Variants in SCN8A observed in about 807,000 individuals in gnomAD.
SCN8A encodes the protein sodium voltage-gated channel alpha subunit 8, also known as sodium channel protein type 8 subunit alpha.
SCN8A carries 30 observed loss-of-function variants against 184.1 expected under a neutral mutation model. The observed-to-expected ratio is 0.16, with a 90% CI of 0.12 to 0.22. The LOEUF is 0.22. Among genes scored for constraint, SCN8A ranks in the 10% least tolerant of loss-of-function variants. SCN8A has a pLI of 1.00. For missense variants in SCN8A, 1,057 were observed against 2,498.9 expected (o/e 0.42, Z 12.30); for synonymous variants, 852 against 907.0 (o/e 0.94, Z 1.09).
chr12:51,712,478 C>T (rs1434542185), intron 11 of SCN8A: 2 of 768,810 alleles, frequency 2.6e-6, no homozygotes, highest in Non-Finnish European at 4.8e-6. Flanking sequence ...CCTTCTGCTA[C>T]TATATCCACC....
At position 51,692,857 on chromosome 12, in the gene SCN8A, T is replaced by C. The variant is rs140211287; in HGVS notation, c.706+3761T>C. Among the ~76,000 whole-genome samples the C allele has an allele frequency of 3.0e-3, 451 of 152,356 alleles. 6 individuals are homozygous for C. Among genetic ancestry groups the C allele is most frequent in the Middle Eastern group, 6.8e-3 (2 of 294 alleles). ...CAGCATTTAATAGTATAAGTACTAATAGAACTGGTTGAGAGAAACTCACTT... is the reference window on the plus strand; with the variant it reads ...CAGCATTTAATAGTATAAGTACTAACAGAACTGGTTGAGAGAAACTCACTT... On this transcript the variant is annotated intron_variant, in intron 6 of 26. Coordinates refer to ENST00000627620, the MANE Select transcript of SCN8A (RefSeq NM_001330260.2).
At chr12:51,804,906 A>C (rs1385831929) in intron 26 of SCN8A, among the ~76,000 whole-genome samples, 1 of 152,166 alleles carries the variant, frequency 6.6e-6, no homozygotes, top group Non-Finnish European at 1.5e-5. Flanking sequence ...GGGAAACCAA[A>C]GATGTTTTTT....
chr12:51,731,265 TCTCA>T (rs1942237489), intron 12 of SCN8A, among the ~76,000 whole-genome samples: 1 of 151,798 alleles, frequency 6.6e-6, no homozygotes, highest in Non-Finnish European at 1.5e-5. Flanking sequence ...TTTGAGACAA[TCTCA>T]CTCTGTCGCC....
intron 9 of SCN8A, among the ~76,000 whole-genome samples, chr12:51,703,364 C>G (rs1031990434): frequency 6.6e-6 from 1 of 151,974 alleles, no homozygotes; most frequent in Admixed American, 6.6e-5. Context: ...GCTGGTCTTG[C>G]AACTTCTGGC....
intron 3 of SCN8A, among the ~76,000 whole-genome samples, chr12:51,684,838 C>T (rs1592378062): frequency 6.6e-6 from 1 of 152,054 alleles, no homozygotes; most frequent in East Asian, 1.9e-4. Flanking sequence ...TATTTTTACT[C>T]ACCTTAAATA....
intron 3 of SCN8A, 127 bp downstream of exon 3, chr12:51,684,419 T>TA: frequency 1.5e-6 from 1 of 689,014 alleles, no homozygotes; most frequent in Non-Finnish European, 2.7e-6. Context: ...AGCCCATCAG[T>TA]CAGAGGTTTA....
chr12:51,680,960 C>A (rs1375267639), intron 2 of SCN8A, among the ~76,000 whole-genome samples: 1 of 151,916 alleles, frequency 6.6e-6, no homozygotes, highest in Admixed American at 6.6e-5. Flanking sequence ...GCCGAGATTG[C>A]GCCATTGCAC....
Position 51,715,920 on chromosome 12 carries a change from T to C in SCN8A, c.1636-5626T>C, listed in dbSNP as rs113492976. Among the ~76,000 whole-genome samples the C allele has an allele frequency of 4.9e-3, 753 of 152,300 alleles. 6 individuals are homozygous for C. The highest frequency in any genetic ancestry group is 0.015 in the African/African-American group (632 of 41,576). ...TGCATGTTAATTAAGTTAAACATTG[T>C]AGTTACTATGTGCAAAGCACTCTGG... On this transcript the variant is annotated intron_variant, in intron 11 of 26. Coordinates refer to ENST00000627620, the MANE Select transcript of SCN8A (RefSeq NM_001330260.2).
At chr12:51,731,023 G>A (rs1942232318) in intron 12 of SCN8A, among the ~76,000 whole-genome samples, 1 of 152,142 alleles carries the variant, frequency 6.6e-6, no homozygotes, top group Admixed American at 6.5e-5. Context: ...TTCTATCCAT[G>A]TTGTTGTAAA....
intron 11 of SCN8A, chr12:51,712,557 C>G (rs946516784): frequency 1.9e-5 from 15 of 777,162 alleles, no homozygotes; most frequent in Admixed American, 1.7e-4. Context: ...AAACTTCCCC[C>G]TTTCATGGGT....
chr12:51,750,314 A>G (rs1359652918), intron 13 of SCN8A, among the ~76,000 whole-genome samples: 1 of 152,184 alleles, frequency 6.6e-6, no homozygotes, highest in Non-Finnish European at 1.5e-5. Flanking sequence ...CTGTTTCTAA[A>G]AGAGACGGAG....
At chr12:51,787,785 G>A (rs1414463421) in intron 22 of SCN8A, among the ~76,000 whole-genome samples, 1 of 152,190 alleles carries the variant, frequency 6.6e-6, no homozygotes, top group African/African-American at 2.4e-5. Flanking sequence ...AGCACTCACT[G>A]TCAACTCATA....
chr12:51,675,244 A>G (rs2138692196), intron 2 of SCN8A, among the ~76,000 whole-genome samples: 1 of 152,328 alleles, frequency 6.6e-6, no homozygotes, highest in African/African-American at 2.4e-5. Flanking sequence ...GCAGGTGCAC[A>G]GTGCTGCTGC....
intron 26 of SCN8A, among the ~76,000 whole-genome samples, chr12:51,802,912 G>A (rs895218757): frequency 2.0e-5 from 3 of 152,156 alleles, no homozygotes; most frequent in Admixed American, 6.5e-5. Flanking sequence ...AGATTAAGCA[G>A]CCAACTCCAG....
intron 2 of SCN8A, among the ~76,000 whole-genome samples, chr12:51,666,500 G>T (rs749552488): frequency 6.6e-6 from 1 of 152,192 alleles, no homozygotes; most frequent in Non-Finnish European, 1.5e-5. Flanking sequence ...AAATCAAAAA[G>T]TCATAAGGGT....
chr12:51,675,750 G>T (rs917051323), intron 2 of SCN8A, among the ~76,000 whole-genome samples: 1 of 152,148 alleles, frequency 6.6e-6, no homozygotes, highest in African/African-American at 2.4e-5. Flanking sequence ...ATAATTAAGA[G>T]TATAGGCTTT....
chr12:51,646,920 C>A (rs1475374154), intron 1 of SCN8A, among the ~76,000 whole-genome samples: 4 of 152,108 alleles, frequency 2.6e-5, no homozygotes, highest in African/African-American at 9.7e-5. Flanking sequence ...AAGGTGGAAA[C>A]CTGTCTTCAT....
At chr12:51,734,123 G>C (rs1942285815) in intron 12 of SCN8A, among the ~76,000 whole-genome samples, 1 of 151,802 alleles carries the variant, frequency 6.6e-6, no homozygotes. Context: ...TTGGGGTTTT[G>C]TTTGCCCTTT....
chr12:51,641,110 A>ATATT (rs1260754783), intron 1 of SCN8A, among the ~76,000 whole-genome samples: 2 of 152,262 alleles, frequency 1.3e-5, no homozygotes, highest in African/African-American at 4.8e-5. Context: ...GAGAAAAAAC[A>ATATT]GTAAACATAA....
Sources: allele counts gnomAD v4.1 joint callset (sites outside exome capture counted in the v4.1 genomes callset), GRCh38; gene constraint gnomAD v4.1.1; transcripts MANE v1.5; gene names NCBI Gene and HGNC (gene_info 2026-07-23, HGNC 2026-07-21).